Variants in ANKS1B observed in about 807,000 individuals in gnomAD.
ANKS1B encodes ankyrin repeat and sterile alpha motif domain-containing protein 1B.
A neutral mutation model predicts 148.3 loss-of-function variants in ANKS1B; 36 were observed. The observed-to-expected ratio is 0.24, with a 90% CI of 0.19 to 0.32. The LOEUF is 0.32. ANKS1B is among the 10% of genes least tolerant of loss of function. The probability of loss-of-function intolerance (pLI) is 1.00; values close to 1 mark genes in which losing one functional copy is unlikely to be tolerated. For synonymous variants in ANKS1B, 542 were observed against 560.8 expected, an observed-to-expected ratio of 0.97 and a Z score of 0.47; for missense variants, 1,157 against 1,542.6, an observed-to-expected ratio of 0.75 and a Z score of 4.19.
chr12:99,587,726 T>C (rs965614181), intron 9 of ANKS1B, among the ~76,000 whole-genome samples: 1 of 152,198 alleles, frequency 6.6e-6, no homozygotes, highest in Admixed American at 6.5e-5. Context: ...CATTTGTACA[T>C]GTTGCCATAT....
chr12:99,501,558 A>C (rs924507), intron 10 of ANKS1B, among the ~76,000 whole-genome samples: 80,237 of 151,988 alleles, frequency 0.53, 22,547 homozygotes, highest in African/African-American at 0.73. Flanking sequence ...CTGCTCACAA[A>C]AAATCATCTT....
intron 17 of ANKS1B, among the ~76,000 whole-genome samples, chr12:99,038,200 T>C (rs2099956708): frequency 1.3e-5 from 2 of 152,326 alleles, no homozygotes; most frequent in Admixed American, 6.5e-5. Context: ...TGGAGATTTC[T>C]AGAAATGTGT....
At chr12:99,141,556 T>A (rs1480941616) in intron 15 of ANKS1B, among the ~76,000 whole-genome samples, 3 of 152,018 alleles carry the variant, frequency 2.0e-5, no homozygotes, top group Non-Finnish European at 4.4e-5. Flanking sequence ...ACCTTAACTA[T>A]TCTTCCTGAT....
At chr12:99,126,785 T>C (rs1234489212) in intron 15 of ANKS1B, among the ~76,000 whole-genome samples, 2 of 152,212 alleles carry the variant, frequency 1.3e-5, no homozygotes, top group Non-Finnish European at 2.9e-5. Context: ...TCCTTATTTC[T>C]AAAAACAAAG....
At chr12:99,715,743 C>T (rs925464317) in intron 8 of ANKS1B, among the ~76,000 whole-genome samples, 1 of 152,158 alleles carries the variant, frequency 6.6e-6, no homozygotes, top group African/African-American at 2.4e-5. Context: ...AATTTTAAAT[C>T]GGGTAAGCAG....
chr12:99,579,221 T>C (rs1293398722), intron 9 of ANKS1B, among the ~76,000 whole-genome samples: 2 of 152,186 alleles, frequency 1.3e-5, no homozygotes, highest in South Asian at 2.1e-4. Flanking sequence ...AACACTTAAA[T>C]ATAAGACTTA....
chr12:98,968,786 G>C (rs147060491), intron 17 of ANKS1B, among the ~76,000 whole-genome samples: 1,878 of 148,614 alleles, frequency 0.013, 48 homozygotes, highest in African/African-American at 0.044. Context: ...GCCTAGGAGG[G>C]AGGGAGGGAG....
chr12:98,793,661 A>ATTACT (rs1352215704), intron 22 of ANKS1B, among the ~76,000 whole-genome samples: 7 of 152,210 alleles, frequency 4.6e-5, no homozygotes, highest in Non-Finnish European at 1.0e-4. Context: ...TCCTATTTTT[A>ATTACT]TTACTTTTTA....
At chr12:99,387,753 G>A (rs1056136982) in intron 12 of ANKS1B, among the ~76,000 whole-genome samples, 2 of 150,502 alleles carry the variant, frequency 1.3e-5, no homozygotes, top group Admixed American at 6.6e-5. Flanking sequence ...CCCAGCTTCT[G>A]GAACTCAGGA....
intron 17 of ANKS1B, among the ~76,000 whole-genome samples, chr12:98,966,881 G>T (rs1440376734): frequency 2.4e-5 from 3 of 123,488 alleles, no homozygotes; most frequent in Non-Finnish European, 4.9e-5. Flanking sequence ...ACACACCGGG[G>T]CCTGTCGTGG....
intron 17 of ANKS1B, among the ~76,000 whole-genome samples, chr12:99,039,702 T>A (rs544166573): frequency 2.6e-5 from 4 of 152,360 alleles, no homozygotes; most frequent in African/African-American, 7.2e-5. Context: ...ATTTATTTAT[T>A]ATTATACTTT....
chr12:99,427,446 T>G (rs2095280277), intron 11 of ANKS1B, among the ~76,000 whole-genome samples: 1 of 152,196 alleles, frequency 6.6e-6, no homozygotes, highest in Non-Finnish European at 1.5e-5. Flanking sequence ...ACTCTTTTCA[T>G]GGCTAACTGT....
intron 8 of ANKS1B, among the ~76,000 whole-genome samples, chr12:99,700,364 A>C (rs2054608468): frequency 6.6e-6 from 1 of 152,180 alleles, no homozygotes; most frequent in Non-Finnish European, 1.5e-5. Flanking sequence ...AACTGAGGAT[A>C]GTACCCAATC....
intron 10 of ANKS1B, among the ~76,000 whole-genome samples, chr12:99,503,471 T>A (rs528086227): frequency 3.3e-5 from 5 of 152,184 alleles, no homozygotes; most frequent in Non-Finnish European, 5.9e-5. Context: ...CCCATTCTGT[T>A]CTTTTTATTC....
chr12:99,779,115 T>C (rs191980373), intron 6 of ANKS1B, among the ~76,000 whole-genome samples: 1 of 152,350 alleles, frequency 6.6e-6, no homozygotes, highest in East Asian at 1.9e-4. Flanking sequence ...TTAAGTCTAA[T>C]TTTGTTATAA....
chr12:99,227,260 G>C (rs998074957), intron 14 of ANKS1B, among the ~76,000 whole-genome samples: 2 of 152,060 alleles, frequency 1.3e-5, no homozygotes, highest in East Asian at 3.9e-4. Flanking sequence ...TCTCTCGCTT[G>C]CTCCTACATT....
At chr12:98,927,426 G>A (rs2099809697) in intron 17 of ANKS1B, among the ~76,000 whole-genome samples, 1 of 152,022 alleles carries the variant, frequency 6.6e-6, no homozygotes, top group African/African-American at 2.4e-5. Flanking sequence ...ACCAGTACAA[G>A]TAACTGCATT....
At chr12:99,855,298 AG>A in intron 1 of ANKS1B, among the ~76,000 whole-genome samples, 1 of 152,290 alleles carries the variant, frequency 6.6e-6, no homozygotes, top group South Asian at 2.1e-4. Context: ...TTGCAACAGC[AG>A]TTTAAAAACA....
At chr12:99,942,593 A>T (rs1475864664) in intron 1 of ANKS1B, among the ~76,000 whole-genome samples, 2 of 152,266 alleles carry the variant, frequency 1.3e-5, no homozygotes, top group South Asian at 2.1e-4. Flanking sequence ...GGACAAAAAA[A>T]GCAACATTTT....
Sources: allele counts gnomAD v4.1 joint callset (sites outside exome capture counted in the v4.1 genomes callset), GRCh38; gene constraint gnomAD v4.1.1; transcripts MANE v1.5; gene names NCBI Gene and HGNC (gene_info 2026-07-23, HGNC 2026-07-21).